The following LARP4B variants were observed in gnomAD, a reference collection of about 807,000 sequenced individuals.
LARP4B encodes the protein la-related protein 4B.
In LARP4B, 12 loss-of-function variants were observed where a neutral mutation model predicts 89.8. The observed-to-expected ratio is 0.13, with a 90% CI of 0.09 to 0.22. The LOEUF (loss-of-function observed/expected upper bound fraction) is 0.22. Ranked by LOEUF, LARP4B falls within the 10% of genes least tolerant of loss-of-function variation. The pLI, the probability that LARP4B is intolerant of heterozygous loss-of-function variation, is 1.00. For synonymous variants in LARP4B, 367 were observed against 363.3 expected (o/e 1.01, Z -0.12); for missense variants, 757 against 947.7 (o/e 0.80, Z 2.64).
intron 5 of LARP4B, among the ~76,000 whole-genome samples, chr10:858,305 C>T (rs12774985): frequency 0.1 from 15,883 of 152,126 alleles, 1,131 homozygotes; most frequent in Non-Finnish European, 0.16. Context: ...AGAGAAAGGG[C>T]AGTCTTTTCA....
the LARP4B span, among the ~76,000 whole-genome samples, chr10:941,103 A>G: frequency 6.6e-6 from 1 of 152,146 alleles, no homozygotes; most frequent in African/African-American, 2.4e-5. Flanking sequence ...GTCTGTAAAA[A>G]TGCTTGAGGC....
At chr10:895,470 G>A (rs1167651866) in intron 1 of LARP4B, among the ~76,000 whole-genome samples, 2 of 151,688 alleles carry the variant, frequency 1.3e-5, no homozygotes, top group Non-Finnish European at 2.9e-5. Flanking sequence ...AGACAAGGTA[G>A]GGAGATCACA....
At chr10:971,928 C>T in the LARP4B span, 1 of 156,286 alleles carries the variant, frequency 6.4e-6, no homozygotes, top group African/African-American at 2.4e-5. Context: ...AGGCCTGAGG[C>T]TTTGCCCCTG....
the LARP4B span, among the ~76,000 whole-genome samples, chr10:945,500 T>A: frequency 1.3e-5 from 2 of 150,762 alleles, no homozygotes; most frequent in South Asian, 4.2e-4. Context: ...TCCTGGCTAA[T>A]ATGGTGAAAC....
At chr10:858,826 G>A (rs1431650906) in intron 5 of LARP4B, among the ~76,000 whole-genome samples, 1 of 152,178 alleles carries the variant, frequency 6.6e-6, no homozygotes, top group African/African-American at 2.4e-5. Context: ...AAACTACAAA[G>A]ATATACCCAC....
chr10:953,722 T>C, the LARP4B span, among the ~76,000 whole-genome samples: 1 of 152,210 alleles, frequency 6.6e-6, no homozygotes. Context: ...CAGTGTGTAA[T>C]TGGCAGGATT....
At chr10:859,941 C>CA (rs1327590359) in intron 5 of LARP4B, among the ~76,000 whole-genome samples, 1 of 151,328 alleles carries the variant, frequency 6.6e-6, no homozygotes, top group East Asian at 1.9e-4. Flanking sequence ...TCTGATGCTA[C>CA]AATGGAGGGT....
chr10:890,890 C>T (rs960181504), intron 1 of LARP4B, among the ~76,000 whole-genome samples: 1 of 152,020 alleles, frequency 6.6e-6, no homozygotes, highest in South Asian at 2.1e-4. Flanking sequence ...AACATCAATT[C>T]CCACACAACC....
the LARP4B span, among the ~76,000 whole-genome samples, chr10:965,720 C>T: frequency 7.3e-5 from 11 of 151,480 alleles, no homozygotes; most frequent in Admixed American, 4.0e-4. Flanking sequence ...CAAGACCCGG[C>T]GCTGTGAAGA....
intron 1 of LARP4B, among the ~76,000 whole-genome samples, chr10:902,638 C>CTT (rs537413514): frequency 7.1e-5 from 10 of 140,226 alleles, no homozygotes; most frequent in Admixed American, 2.9e-4. Flanking sequence ...AACATAAAAT[C>CTT]TTTTTTTTTT....
intron 14 of LARP4B, chr10:820,224 G>T (rs528087337): frequency 6.6e-6 from 1 of 152,552 alleles, no homozygotes; most frequent in South Asian, 2.1e-4. Context: ...ATTTTCCACA[G>T]GAGAAACTCT....
At chr10:865,144 C>G (rs1170020098) in intron 3 of LARP4B, among the ~76,000 whole-genome samples, 1 of 152,122 alleles carries the variant, frequency 6.6e-6, no homozygotes, top group Non-Finnish European at 1.5e-5. Context: ...TTCCCATTCC[C>G]AATAGAGCTT....
chr10:979,435 G>A, the LARP4B span, among the ~76,000 whole-genome samples: 4 of 152,190 alleles, frequency 2.6e-5, no homozygotes, highest in Admixed American at 2.6e-4. Context: ...ATAAGGAGGA[G>A]AGACTGCTCT....
chr10:816,215 C>A (rs970926088), intron 15 of LARP4B, among the ~76,000 whole-genome samples: 28 of 152,204 alleles, frequency 1.8e-4, no homozygotes, highest in Admixed American at 5.9e-4. Flanking sequence ...GGTGACAGAG[C>A]AAGACTCTAT....
intron 5 of LARP4B, among the ~76,000 whole-genome samples, chr10:845,809 A>G (rs968956778): frequency 6.6e-6 from 1 of 152,242 alleles, no homozygotes; most frequent in Non-Finnish European, 1.5e-5. Flanking sequence ...TGAAATGCTA[A>G]GAACTAAGTT....
At chr10:904,496 G>C (rs1427631911) in intron 1 of LARP4B, among the ~76,000 whole-genome samples, 2 of 147,176 alleles carry the variant, frequency 1.4e-5, no homozygotes, top group Non-Finnish European at 1.5e-5. Flanking sequence ...GGAGGGTTGG[G>C]GGGGCATTAA....
chr10:868,742 C>G (rs765042777), intron 3 of LARP4B, among the ~76,000 whole-genome samples: 3 of 152,162 alleles, frequency 2.0e-5, no homozygotes, highest in Non-Finnish European at 4.4e-5. Flanking sequence ...AGTGTGGGCA[C>G]GGAAATAAAA....
the LARP4B span, among the ~76,000 whole-genome samples, chr10:974,554 A>T: frequency 4.6e-5 from 7 of 152,304 alleles, no homozygotes; most frequent in African/African-American, 1.7e-4. Flanking sequence ...TCTCGGGACT[A>T]GAAATAACTC....
the LARP4B span, among the ~76,000 whole-genome samples, chr10:974,740 C>A: frequency 3.5e-3 from 533 of 152,356 alleles, 3 homozygotes; most frequent in African/African-American, 0.012. Flanking sequence ...ATGTAGTTTA[C>A]CTCAACCGTG....
Sources: allele counts gnomAD v4.1 joint callset (sites outside exome capture counted in the v4.1 genomes callset), GRCh38; gene constraint gnomAD v4.1.1; transcripts MANE v1.5; gene names NCBI Gene and HGNC (gene_info 2026-07-23, HGNC 2026-07-21).